Variants in NEDD4 observed in about 807,000 individuals in gnomAD.
The protein encoded by NEDD4 is E3 ubiquitin-protein ligase NEDD4.
NEDD4 carries 99 observed loss-of-function variants against 144.9 expected under a neutral mutation model. The observed-to-expected ratio is 0.68, with a 90% CI of 0.58 to 0.81. The LOEUF is 0.81. Among genes scored for constraint, NEDD4 ranks in the 30% least tolerant of loss-of-function variants. The pLI is 0.00. For missense variants in NEDD4, 985 were observed against 1,065.9 expected (o/e 0.92, Z 1.06); for synonymous variants, 318 against 350.6 (o/e 0.91, Z 1.04).
intron 2 of NEDD4, chr15:55,952,745 C>T (rs2037265348): frequency 6.6e-6 from 1 of 152,214 alleles, no homozygotes; most frequent in South Asian, 2.1e-4. Flanking sequence ...CATCTGTTCT[C>T]ACTGCTCTCT....
chr15:55,986,887 G>A (rs1171577144), intron 1 of NEDD4, among the ~76,000 whole-genome samples: 4 of 151,892 alleles, frequency 2.6e-5, no homozygotes, highest in Admixed American at 6.6e-5. Flanking sequence ...GAGCCACCGC[G>A]CCCGGCCAAG....
At position 55,936,916 on chromosome 15, in the gene NEDD4, T is replaced by C. The variant is rs190474269; in HGVS notation, c.238-12217A>G. On this transcript the variant is annotated intron_variant, in intron 4 of 28. Coordinates refer to ENST00000435532, the MANE Select transcript of NEDD4 (RefSeq NM_006154.4). ...CAAGTGATTCTCCTGCCTCACCCTC[T>C]TGAGTAGTTGGGATTACAGGCATGC... Among the ~76,000 whole-genome samples the C allele has an allele frequency of 3.9e-4, 59 of 152,060 alleles. 1 individual carries two copies. Among genetic ancestry groups the C allele is most frequent in the Admixed American group, 1.4e-3 (22 of 15,244 alleles).
chr15:55,919,705 G>T (rs891495426), intron 5 of NEDD4, among the ~76,000 whole-genome samples: 2 of 152,070 alleles, frequency 1.3e-5, no homozygotes, highest in Non-Finnish European at 2.9e-5. Flanking sequence ...TTCATATTCC[G>T]GAATGAAACA....
At chr15:55,860,885 A>C in intron 9 of NEDD4, 107 bp from the exon 10 acceptor site, 2 of 949,946 alleles carry the variant, frequency 2.1e-6, no homozygotes, top group Non-Finnish European at 3.2e-6. Flanking sequence ...TCAATAAAAA[A>C]ATTTATTGTC....
intron 1 of NEDD4, among the ~76,000 whole-genome samples, chr15:55,992,191 AATG>A (rs1283366698): frequency 6.6e-6 from 1 of 152,200 alleles, no homozygotes; most frequent in East Asian, 1.9e-4. Context: ...CATTAGCTAG[AATG>A]ATATCTTTAG....
intron 2 of NEDD4, among the ~76,000 whole-genome samples, chr15:55,955,250 C>A (rs2037317157): frequency 6.6e-6 from 1 of 152,116 alleles, no homozygotes; most frequent in Admixed American, 6.5e-5. Context: ...CTCAAATTTG[C>A]AGGCTCAAGT....
intron 5 of NEDD4, among the ~76,000 whole-genome samples, chr15:55,903,033 T>C (rs1358929778): frequency 6.6e-6 from 1 of 151,696 alleles, no homozygotes; most frequent in Non-Finnish European, 1.5e-5. Context: ...TAAAAAGAAA[T>C]ATTTGCGAGA....
At chr15:55,960,161 A>G (rs1341191942) in intron 2 of NEDD4, among the ~76,000 whole-genome samples, 9 of 152,294 alleles carry the variant, frequency 5.9e-5, no homozygotes, top group Admixed American at 3.9e-4. Context: ...AGCCACAGTA[A>G]CCACCTCTCT....
intron 1 of NEDD4, chr15:55,991,841 G>A (rs1291171341): frequency 2.0e-5 from 3 of 152,254 alleles, no homozygotes; most frequent in African/African-American, 7.2e-5. Context: ...GAGGGGTGAT[G>A]ATTGAAAACA....
chr15:55,838,712 G>A (rs1261605194), intron 21 of NEDD4, 108 bp from the exon 22 acceptor site: 1 of 659,192 alleles, frequency 1.5e-6, no homozygotes, highest in Non-Finnish European at 2.6e-6. Context: ...TGAGAGGTCA[G>A]ATGGACATCC....
At chr15:55,856,392 A>G (rs750516948) in intron 11 of NEDD4, among the ~76,000 whole-genome samples, 196 bp from the exon 12 acceptor site, 2 of 152,058 alleles carry the variant, frequency 1.3e-5, no homozygotes, top group Non-Finnish European at 1.5e-5. Context: ...TCCAGCTCCC[A>G]TGCCCCCCGT....
chr15:55,858,443 G>C (rs183359219), intron 11 of NEDD4, among the ~76,000 whole-genome samples: 275 of 152,232 alleles, frequency 1.8e-3, no homozygotes, highest in African/African-American at 4.1e-3. Context: ...AAGTAGCTGG[G>C]ATTACAGGTG....
intron 5 of NEDD4, among the ~76,000 whole-genome samples, chr15:55,895,210 G>A (rs2142135200): frequency 6.6e-6 from 1 of 152,272 alleles, no homozygotes; most frequent in Non-Finnish European, 1.5e-5. Context: ...CACTAATTAT[G>A]ATATTAATTT....
chr15:55,991,586 C>A (rs1402925690), intron 1 of NEDD4, among the ~76,000 whole-genome samples: 1 of 152,212 alleles, frequency 6.6e-6, no homozygotes, highest in East Asian at 1.9e-4. Flanking sequence ...CTTCCTATCT[C>A]ACTCCCTTCC....
chr15:55,983,056 A>C (rs1383772359), intron 1 of NEDD4, among the ~76,000 whole-genome samples: 1 of 152,136 alleles, frequency 6.6e-6, no homozygotes, highest in African/African-American at 2.4e-5. Context: ...CAGAAGGCAG[A>C]GGTTGCAGTG....
chr15:55,868,291 G>T (rs984675515), intron 8 of NEDD4, among the ~76,000 whole-genome samples: 1 of 152,168 alleles, frequency 6.6e-6, no homozygotes, highest in African/African-American at 2.4e-5. Context: ...AGAGGAGAAA[G>T]TGTTAAGCAA....
chr15:55,850,722 C>G lies in NEDD4; in HGVS notation c.1167G>C (p.Gln389His), dbSNP rs2033951790. Reference sequence around the variant, plus strand: ...CTGCAGAACTCTGGCTTGAGGTCAGCTGACTGGTCTCCACTGTGGCCTAGC... The same window carrying G: ...CTGCAGAACTCTGGCTTGAGGTCAGGTGACTGGTCTCCACTGTGGCCTAGC... ...PTVQATVETS[Q>H]LTSSQSSAGP... is the part of the protein sequence containing the mutation. The change falls in exon 14 of 29, where the codon CAG (glutamine) becomes CAC (histidine). Residue 389 changes from glutamine to histidine, a missense_variant. Physicochemically the swap from Gln to His is conservative, Grantham distance 24. Transcript: ENST00000435532. 6.2e-7 allele frequency: 1 copy of G among 1,613,584 alleles called. No individual in the cohort carries two copies. The highest frequency in any genetic ancestry group is 1.1e-5 in the South Asian group (1 of 91,070).
intron 28 of NEDD4, 130 bp downstream of exon 28, chr15:55,830,384 C>T (rs773906689): frequency 9.7e-6 from 8 of 827,374 alleles, no homozygotes; most frequent in Admixed American, 8.9e-5. Flanking sequence ...GTGTCACCAA[C>T]TCCTTCTTAC....
chr15:55,959,819 T>G (rs1306683246), intron 2 of NEDD4, among the ~76,000 whole-genome samples: 1 of 152,198 alleles, frequency 6.6e-6, no homozygotes, highest in Non-Finnish European at 1.5e-5. Context: ...GCAACCACAT[T>G]AGCTTGGAAG....
Sources: gnomAD v4.1 joint callset for allele counts (sites outside exome capture counted in the v4.1 genomes callset) on GRCh38, gnomAD v4.1.1 for gene constraint, MANE v1.5 for transcripts, NCBI Gene and HGNC (gene_info 2026-07-23, HGNC 2026-07-21) for gene names.